The following LRBA variants were observed in gnomAD, a reference collection of about 807,000 sequenced individuals.
LRBA encodes the protein lipopolysaccharide-responsive and beige-like anchor protein.
LRBA carries 176 observed loss-of-function variants against 330.0 expected under a neutral mutation model. The ratio of observed to expected loss-of-function variants is 0.53; its 90% confidence interval spans 0.47 to 0.60. The LOEUF is 0.60. Among genes scored for constraint, LRBA ranks in the 20% least tolerant of loss-of-function variants. The pLI, the probability that LRBA is intolerant of heterozygous loss-of-function variation, is 0.00. For missense variants in LRBA, 3,259 were observed against 3,444.8 expected (o/e 0.95, Z 1.35); for synonymous variants, 1,230 against 1,193.0 (o/e 1.03, Z -0.64).
At chr4:150,901,486 C>CCTA (rs1410881989) in intron 13 of LRBA, among the ~76,000 whole-genome samples, 2 of 152,098 alleles carry the variant, frequency 1.3e-5, no homozygotes, top group Non-Finnish European at 2.9e-5. Flanking sequence ...TTCCCTTGAC[C>CCTA]ATAGACCAAA....
At chr4:150,762,906 C>A (rs912371455) in intron 34 of LRBA, among the ~76,000 whole-genome samples, 1 of 151,894 alleles carries the variant, frequency 6.6e-6, no homozygotes, top group Non-Finnish European at 1.5e-5. Flanking sequence ...ACCCTAATAG[C>A]TATTCCGTTC....
chr4:150,317,969 T>C (rs1731943112), intron 50 of LRBA, among the ~76,000 whole-genome samples: 1 of 152,148 alleles, frequency 6.6e-6, no homozygotes, highest in Admixed American at 6.6e-5. Flanking sequence ...AAGATTGAGT[T>C]AATACACATA....
intron 40 of LRBA, among the ~76,000 whole-genome samples, chr4:150,571,739 G>A (rs1769891405): frequency 7.3e-6 from 1 of 136,492 alleles, no homozygotes; most frequent in South Asian, 2.4e-4. Flanking sequence ...GTACTCTACA[G>A]CTAGATGATA....
chr4:150,701,045 T>C (rs898943595), intron 36 of LRBA, among the ~76,000 whole-genome samples: 7 of 152,218 alleles, frequency 4.6e-5, no homozygotes, highest in Admixed American at 2.0e-4. Context: ...GTGCCTGATC[T>C]ATAAACCTTA....
At chr4:150,507,521 C>T (rs1338056005) in intron 40 of LRBA, among the ~76,000 whole-genome samples, 1 of 152,112 alleles carries the variant, frequency 6.6e-6, no homozygotes, top group Non-Finnish European at 1.5e-5. Flanking sequence ...AACTGGCTAG[C>T]CATATGTAGG....
chr4:150,528,233 T>C (rs1285182611), intron 40 of LRBA, among the ~76,000 whole-genome samples: 22 of 152,024 alleles, frequency 1.4e-4, no homozygotes, highest in Admixed American at 1.4e-3. Context: ...TGATAAAGAA[T>C]GATACGTTGT....
chr4:150,725,062 A>C (rs1729493095), intron 36 of LRBA, among the ~76,000 whole-genome samples: 1 of 151,770 alleles, frequency 6.6e-6, no homozygotes, highest in Non-Finnish European at 1.5e-5. Flanking sequence ...AAATACATAG[A>C]GGAGAGAAAA....
intron 36 of LRBA, among the ~76,000 whole-genome samples, chr4:150,721,708 A>T (rs573761547): frequency 6.8e-4 from 103 of 152,248 alleles, no homozygotes; most frequent in Non-Finnish European, 1.0e-3. Flanking sequence ...TCTGCCTTCC[A>T]GATTCAAGCG....
intron 2 of LRBA, among the ~76,000 whole-genome samples, 155 bp from the exon 3 acceptor site, chr4:150,929,220 C>T (rs542353492): frequency 1.3e-5 from 2 of 152,234 alleles, no homozygotes; most frequent in Non-Finnish European, 2.9e-5. Context: ...ACTGAAGTTT[C>T]TGAAGTAATC....
intron 53 of LRBA, among the ~76,000 whole-genome samples, chr4:150,288,364 T>C (rs1422797822): frequency 6.6e-6 from 1 of 151,928 alleles, no homozygotes; most frequent in Non-Finnish European, 1.5e-5. Context: ...TCCCAGTACT[T>C]TGGGAGGCCA....
chr4:150,325,950 A>C (rs1382502835), intron 48 of LRBA, 52 bp from the exon 49 acceptor site: 1 of 936,566 alleles, frequency 1.1e-6, no homozygotes, highest in South Asian at 1.3e-5. Flanking sequence ...ATTACAGGAA[A>C]TAGAACCCCA....
chr4:150,925,037 G>A (rs1561013611), intron 4 of LRBA, among the ~76,000 whole-genome samples: 1 of 151,924 alleles, frequency 6.6e-6, no homozygotes, highest in Non-Finnish European at 1.5e-5. Context: ...TGGCATGGTG[G>A]CACATGTCCG....
At chr4:150,308,082 T>C (rs905507083) in intron 52 of LRBA, among the ~76,000 whole-genome samples, 3 of 152,192 alleles carry the variant, frequency 2.0e-5, no homozygotes, top group Non-Finnish European at 4.4e-5. Context: ...TGAAAGATGA[T>C]TTACCATAAA....
chr4:150,402,108 G>C (rs968132697), intron 47 of LRBA, among the ~76,000 whole-genome samples: 2 of 148,918 alleles, frequency 1.3e-5, no homozygotes, highest in Non-Finnish European at 3.0e-5. Context: ...GACTAACACG[G>C]TGAAATGCCA....
chr4:150,885,913 A>G (rs995389849), intron 17 of LRBA, among the ~76,000 whole-genome samples: 1 of 152,198 alleles, frequency 6.6e-6, no homozygotes, highest in Non-Finnish European at 1.5e-5. Context: ...GACTGAGAAA[A>G]TTCATTGCTA....
At chr4:150,271,313 GT>G (rs34560876) in intron 56 of LRBA, among the ~76,000 whole-genome samples, 2,484 of 144,180 alleles carry the variant, frequency 0.017, 57 homozygotes, top group African/African-American at 0.059. Flanking sequence ...AGCTGCAGGA[GT>G]TTTTTTTTTT....
At chr4:150,319,544 A>T (rs1401293335) in intron 50 of LRBA, among the ~76,000 whole-genome samples, 2 of 152,174 alleles carry the variant, frequency 1.3e-5, no homozygotes, top group Admixed American at 6.5e-5. Context: ...TAAGTATGTT[A>T]TTTTCATAAA....
intron 37 of LRBA, among the ~76,000 whole-genome samples, chr4:150,640,284 A>T (rs1033115949): frequency 6.6e-6 from 1 of 152,132 alleles, no homozygotes; most frequent in Non-Finnish European, 1.5e-5. Context: ...ACAATCACAC[A>T]TCCCTTGTAG....
chr4:150,846,539 A>T (rs1233138551), intron 26 of LRBA, among the ~76,000 whole-genome samples: 1 of 151,780 alleles, frequency 6.6e-6, no homozygotes, highest in East Asian at 1.9e-4. Flanking sequence ...CAAAAAAAAA[A>T]AAAGAAAGAA....
Sources: allele counts gnomAD v4.1 joint callset (sites outside exome capture counted in the v4.1 genomes callset), GRCh38; gene constraint gnomAD v4.1.1; transcripts MANE v1.5; gene names NCBI Gene and HGNC (gene_info 2026-07-23, HGNC 2026-07-21).